The following NAALADL2 variants were observed in gnomAD, a reference collection of about 807,000 sequenced individuals.
The protein encoded by NAALADL2 is N-acetylated alpha-linked acidic dipeptidase like 2.
A neutral mutation model predicts 87.2 loss-of-function variants in NAALADL2; 76 were observed. That is an observed-to-expected ratio of 0.87 (90% CI 0.72 to 1.05). The LOEUF (loss-of-function observed/expected upper bound fraction) is 1.05. NAALADL2 is among the 50% of genes least tolerant of loss of function. The pLI is 0.00. For synonymous variants in NAALADL2, 354 were observed against 331.0 expected (o/e 1.07, Z -0.75); for missense variants, 1,089 against 945.8 (o/e 1.15, Z -1.99).
rs552109505 is a variant in NAALADL2 at position 175,562,113 on chromosome 3, G to A, written c.1654-13928G>A. ...TTCAGTTCCCGATGTGGGTGGGGAAGAGAGAATTTCCAAGGTAAATTTTGA... is the reference window on the plus strand; with the variant it reads ...TTCAGTTCCCGATGTGGGTGGGGAAAAGAGAATTTCCAAGGTAAATTTTGA... On this transcript the variant is annotated intron_variant, in intron 9 of 13. Transcript: ENST00000454872. 2.0e-3 allele frequency among the ~76,000 whole-genome samples: 301 copies of A among 152,290 alleles called. 2 individuals carry two copies. Among genetic ancestry groups the A allele is most frequent in the African/African-American group, 7.0e-3 (289 of 41,562 alleles).
chr3:174,837,372 C>A (rs1723458117), intron 3 of NAALADL2, among the ~76,000 whole-genome samples: 1 of 152,148 alleles, frequency 6.6e-6, no homozygotes, highest in African/African-American at 2.4e-5. Flanking sequence ...CACCTTTATG[C>A]ACATAAACTG....
intron 13 of NAALADL2, among the ~76,000 whole-genome samples, chr3:175,795,308 G>A (rs549551135): frequency 2.4e-4 from 36 of 152,170 alleles, no homozygotes; most frequent in Admixed American, 5.9e-4. Flanking sequence ...ATACCTCATG[G>A]GGACTGTTTG....
At chr3:175,746,330 TA>T (rs1745935653) in intron 12 of NAALADL2, among the ~76,000 whole-genome samples, 2 of 151,166 alleles carry the variant, frequency 1.3e-5, no homozygotes, top group Admixed American at 1.3e-4. Context: ...TTTTTTTTTT[TA>T]ATCAATTGCA....
At chr3:175,232,045 G>T (rs1289260663) in intron 2 of NAALADL2, among the ~76,000 whole-genome samples, 2 of 151,898 alleles carry the variant, frequency 1.3e-5, no homozygotes, top group Non-Finnish European at 2.9e-5. Flanking sequence ...CTTCTCACCA[G>T]CTATTCCATA....
At chr3:174,706,136 A>T (rs1730046801) in intron 2 of NAALADL2, among the ~76,000 whole-genome samples, 1 of 152,224 alleles carries the variant, frequency 6.6e-6, no homozygotes. Context: ...AACAATAAAA[A>T]TTTTGTTATA....
At chr3:174,986,939 G>A (rs981208670) in intron 1 of NAALADL2, among the ~76,000 whole-genome samples, 2 of 152,054 alleles carry the variant, frequency 1.3e-5, no homozygotes, top group African/African-American at 4.8e-5. Flanking sequence ...GATAGGAGTT[G>A]GCAGTTTTTT....
chr3:174,461,255 T>C (rs965834570), intron 1 of NAALADL2, among the ~76,000 whole-genome samples: 1 of 152,130 alleles, frequency 6.6e-6, no homozygotes, highest in Admixed American at 6.6e-5. Flanking sequence ...TACTGATGAC[T>C]GCAGGAATTA....
chr3:175,644,368 C>G (rs1321062919), intron 11 of NAALADL2, among the ~76,000 whole-genome samples: 1 of 151,854 alleles, frequency 6.6e-6, no homozygotes, highest in South Asian at 2.1e-4. Flanking sequence ...AGTAAATATT[C>G]TTATATTATA....
intron 2 of NAALADL2, among the ~76,000 whole-genome samples, chr3:174,593,136 T>TGGTA (rs1312955715): frequency 1.3e-5 from 2 of 152,178 alleles, no homozygotes; most frequent in African/African-American, 4.8e-5. Context: ...ACATCTTGGA[T>TGGTA]GGTAGCTAAT....
At position 174,619,434 on chromosome 3, in the gene NAALADL2, A is replaced by T. The variant is rs149256064; in HGVS notation, c.-115+68797A>T. Among the ~76,000 whole-genome samples, 375 of 152,022 alleles carry T rather than the reference A, an allele frequency of 2.5e-3. 2 individuals carry two copies. Among genetic ancestry groups the T allele is most frequent in the African/African-American group, 8.6e-3 (358 of 41,536 alleles). On this transcript the variant is annotated intron_variant, in intron 2 of 3. Coordinates refer to the NAALADL2 transcript ENST00000434257. ...TCCTCTATGCCAACAATCTCCCTAG[A>T]GTGTGTGCTTTAGTAATAAGCCCTG...
chr3:174,610,710 T>C (rs1008397328), intron 2 of NAALADL2, among the ~76,000 whole-genome samples: 1 of 144,528 alleles, frequency 6.9e-6, no homozygotes, highest in Non-Finnish European at 1.5e-5. Flanking sequence ...ACTTTTACAC[T>C]GTTGTTGGGA....
chr3:174,793,500 A>G (rs1717706411), intron 3 of NAALADL2, among the ~76,000 whole-genome samples: 1 of 152,168 alleles, frequency 6.6e-6, no homozygotes, highest in Admixed American at 6.6e-5. Flanking sequence ...TGTAAATAAG[A>G]CAAAAATCAC....
intron 11 of NAALADL2, among the ~76,000 whole-genome samples, chr3:175,735,425 GT>G (rs1322219961): frequency 1.3e-5 from 2 of 152,068 alleles, no homozygotes; most frequent in Non-Finnish European, 2.9e-5. Flanking sequence ...CTTTTCAGCA[GT>G]GCCCCACTCC....
At chr3:175,702,281 C>A (rs1390992006) in intron 11 of NAALADL2, among the ~76,000 whole-genome samples, 1 of 152,086 alleles carries the variant, frequency 6.6e-6, no homozygotes, top group African/African-American at 2.4e-5. Context: ...AACTGAAAAT[C>A]TGTCTGCATA....
intron 9 of NAALADL2, among the ~76,000 whole-genome samples, chr3:175,520,377 C>T (rs1479721384): frequency 6.8e-6 from 1 of 146,200 alleles, no homozygotes; most frequent in Non-Finnish European, 1.5e-5. Context: ...CGGCTCACTG[C>T]AAGCTCCGCT....
chr3:175,689,339 AAG>A (rs1199249783), intron 11 of NAALADL2, among the ~76,000 whole-genome samples: 1 of 152,040 alleles, frequency 6.6e-6, no homozygotes, highest in Admixed American at 6.6e-5. Flanking sequence ...GTGTCATAGG[AAG>A]AGAGAGATTT....
At chr3:175,265,421 A>T (rs1343897529) in intron 4 of NAALADL2, among the ~76,000 whole-genome samples, 3 of 151,714 alleles carry the variant, frequency 2.0e-5, no homozygotes, top group Admixed American at 2.0e-4. Context: ...ATAGAGTTTT[A>T]AAAGAATTAA....
chr3:174,739,493 T>C (rs2109005548), intron 3 of NAALADL2, among the ~76,000 whole-genome samples: 1 of 152,216 alleles, frequency 6.6e-6, no homozygotes. Flanking sequence ...TTCTTACCTT[T>C]ATTACTTATA....
At chr3:175,793,521 T>C (rs1261564607) in intron 13 of NAALADL2, among the ~76,000 whole-genome samples, 2 of 151,904 alleles carry the variant, frequency 1.3e-5, no homozygotes, top group African/African-American at 4.8e-5. Flanking sequence ...TACACCGTGT[T>C]AGCCAGAATG....
Sources: allele counts gnomAD v4.1 joint callset (sites outside exome capture counted in the v4.1 genomes callset), GRCh38; gene constraint gnomAD v4.1.1; transcripts MANE v1.5; gene names NCBI Gene and HGNC (gene_info 2026-07-23, HGNC 2026-07-21).